The following SMOC1 variants were observed in gnomAD, a reference collection of about 807,000 sequenced individuals.
The protein encoded by SMOC1 is SPARC-related modular calcium-binding protein 1.
Under a neutral mutation model 56.3 loss-of-function variants are expected in SMOC1, and 22 were observed. The ratio of observed to expected loss-of-function variants is 0.39; its 90% CI spans 0.28 to 0.56. The LOEUF is 0.56. Among genes scored for constraint, SMOC1 ranks in the 20% least tolerant of loss-of-function variants. The probability of loss-of-function intolerance (pLI) is 0.61; values close to 1 mark genes in which losing one functional copy is unlikely to be tolerated. For synonymous variants in SMOC1, 193 were observed against 215.0 expected (o/e 0.90, Z 0.89); for missense variants, 509 against 565.4 (o/e 0.90, Z 1.01).
At chr14:69,973,753 G>A (rs1215124440) in intron 3 of SMOC1, among the ~76,000 whole-genome samples, 5 of 152,150 alleles carry the variant, frequency 3.3e-5, no homozygotes, top group Non-Finnish European at 5.9e-5. Flanking sequence ...GGAAAATGAC[G>A]GTGTTTGGTG....
At chr14:69,912,700 GA>G (rs1884585379) in intron 1 of SMOC1, among the ~76,000 whole-genome samples, 1 of 152,260 alleles carries the variant, frequency 6.6e-6, no homozygotes, top group East Asian at 1.9e-4. Flanking sequence ...ATGGTTGCTG[GA>G]GCTCCAGCCA....
At position 70,004,329 on chromosome 14, in the gene SMOC1, G is replaced by T. The variant is rs564421220; in HGVS notation, c.665-6425G>T. 4.4e-4 allele frequency among the ~76,000 whole-genome samples: 67 copies of T among 152,304 alleles called. No individual in the cohort carries two copies. In the Middle Eastern group the frequency reaches 0.031, roughly 70 times the overall value. On this transcript the variant is annotated intron_variant, in intron 7 of 11. Transcript: ENST00000361956. ...CAATTTGGCTAGGCCATCCTGCCCA[G>T]TTGTTTGGCCAAACACTCATCTAGA...
intron 1 of SMOC1, among the ~76,000 whole-genome samples, chr14:69,940,223 C>T (rs896075506): frequency 6.6e-6 from 1 of 152,182 alleles, no homozygotes; most frequent in Non-Finnish European, 1.5e-5. Context: ...CCCCACTCCC[C>T]ACTGAACTTC....
chr14:70,016,256 G>A (rs563241102), intron 10 of SMOC1, among the ~76,000 whole-genome samples: 3 of 152,350 alleles, frequency 2.0e-5, no homozygotes, highest in African/African-American at 7.2e-5. Flanking sequence ...TAATATCAGT[G>A]TGTCCTTAGG....
At chr14:69,948,864 G>T (rs574363957) in intron 1 of SMOC1, among the ~76,000 whole-genome samples, 1 of 152,312 alleles carries the variant, frequency 6.6e-6, no homozygotes, top group African/African-American at 2.4e-5. Context: ...GCTAGGCAAC[G>T]TTTCCAAGGT....
chr14:69,885,742 TG>T, intron 1 of SMOC1: 1 of 1,469,866 alleles, frequency 6.8e-7, no homozygotes, highest in Non-Finnish European at 9.5e-7. Context: ...GAAGGACAGG[TG>T]GTCTCTTCTT....
chr14:69,993,411 G>A (rs1307013020), intron 6 of SMOC1, among the ~76,000 whole-genome samples: 1 of 152,160 alleles, frequency 6.6e-6, no homozygotes, highest in Non-Finnish European at 1.5e-5. Context: ...TTGGCAGAGT[G>A]AAGTCTCTAA....
At chr14:69,966,777 T>C (rs1172545121) in intron 3 of SMOC1, among the ~76,000 whole-genome samples, 1 of 152,234 alleles carries the variant, frequency 6.6e-6, no homozygotes. Flanking sequence ...TTCCAAGAGA[T>C]GACTTCAGTT....
intron 1 of SMOC1, among the ~76,000 whole-genome samples, chr14:69,932,491 G>A (rs550646192): frequency 6.4e-4 from 97 of 152,226 alleles, no homozygotes; most frequent in Non-Finnish European, 1.1e-3. Flanking sequence ...AAAGGCATCA[G>A]GAGGAATGGG....
In SMOC1 at chr14:70,013,391, C is replaced by A. The variant is rs1482210605; in HGVS notation, c.946C>A (p.Pro316Thr). 1 of 1,613,800 alleles carries A rather than the reference C, an allele frequency of 6.2e-7. No homozygotes were observed. The highest frequency in any genetic ancestry group is 2.2e-5 in the East Asian group (1 of 44,872). ...PFKDRELPGC[P>T]EGKKMEFITS... ...AATCTCATTTTATCTTTTAGGCTGT[C>A]CAGAAGGGAAGAAAATGGAGTTTAT... Residue 316 changes from proline to threonine, a missense_variant, in exon 10 of 12, where the codon CCA becomes ACA. Physicochemically the swap from Pro to Thr is conservative, Grantham distance 38 (BLOSUM62 -1). Coordinates refer to ENST00000361956, the MANE Select transcript of SMOC1 (RefSeq NM_001034852.3).
At chr14:69,904,184 C>T (rs1313043224) in intron 1 of SMOC1, among the ~76,000 whole-genome samples, 4 of 152,208 alleles carry the variant, frequency 2.6e-5, no homozygotes, top group Admixed American at 2.6e-4. Context: ...TTTTTATTTG[C>T]TTGAGTCCAT....
At chr14:69,961,777 G>T (rs1389994689) in intron 3 of SMOC1, among the ~76,000 whole-genome samples, 4 of 152,190 alleles carry the variant, frequency 2.6e-5, no homozygotes, top group Admixed American at 2.6e-4. Context: ...ATACCTAGGA[G>T]TAGAATTGCT....
intron 3 of SMOC1, among the ~76,000 whole-genome samples, chr14:69,962,629 T>G (rs1346697051): frequency 2.0e-5 from 3 of 152,024 alleles, no homozygotes; most frequent in African/African-American, 7.2e-5. Flanking sequence ...TAGGCTGGAG[T>G]GTGGTGGTAC....
chr14:69,886,206 T>C (rs1883806163), intron 1 of SMOC1: 1 of 778,006 alleles, frequency 1.3e-6, no homozygotes, highest in Non-Finnish European at 2.2e-6. Context: ...GTATTCTAAC[T>C]TGTATTAATC....
intron 1 of SMOC1, among the ~76,000 whole-genome samples, chr14:69,900,472 A>G (rs61980617): frequency 0.13 from 20,001 of 152,250 alleles, 1,767 homozygotes; most frequent in African/African-American, 0.26. Flanking sequence ...CATAATGGAC[A>G]GCACTTATAA....
chr14:69,921,201 T>C (rs966546636), intron 1 of SMOC1, among the ~76,000 whole-genome samples: 1 of 152,054 alleles, frequency 6.6e-6, no homozygotes, highest in Non-Finnish European at 1.5e-5. Flanking sequence ...ATGGTCAGAG[T>C]GAGCTAGACT....
intron 1 of SMOC1, among the ~76,000 whole-genome samples, chr14:69,929,248 C>T (rs1885098809): frequency 6.6e-6 from 1 of 152,224 alleles, no homozygotes; most frequent in Non-Finnish European, 1.5e-5. Flanking sequence ...CTCCATCTGC[C>T]TCCCCCAAAC....
intron 1 of SMOC1, among the ~76,000 whole-genome samples, chr14:69,908,161 A>G (rs1326884437): frequency 1.3e-5 from 2 of 152,182 alleles, no homozygotes; most frequent in Admixed American, 1.3e-4. Context: ...TAGGTTGTAA[A>G]ACATCATATT....
intron 1 of SMOC1, among the ~76,000 whole-genome samples, chr14:69,930,581 C>T (rs1460516079): frequency 1.3e-5 from 2 of 152,108 alleles, no homozygotes; most frequent in African/African-American, 4.8e-5. Context: ...GGTCACTGGG[C>T]TGGGGTTTTA....
Sources: allele counts gnomAD v4.1 joint callset (sites outside exome capture counted in the v4.1 genomes callset), GRCh38; gene constraint gnomAD v4.1.1; transcripts MANE v1.5; gene names NCBI Gene and HGNC (gene_info 2026-07-23, HGNC 2026-07-21).